The following SETD5 variants were observed in gnomAD, a reference collection of about 807,000 sequenced individuals.
The protein encoded by SETD5 is SET domain containing 5.
A neutral mutation model predicts 153.3 loss-of-function variants in SETD5; 44 were observed. The ratio of observed to expected loss-of-function variants is 0.29; its 90% confidence interval spans 0.23 to 0.37. The LOEUF is 0.37. Ranked by LOEUF, SETD5 falls within the 10% of genes least tolerant of loss-of-function variation. SETD5 has a pLI of 1.00. For missense variants in SETD5, 1,544 were observed against 1,768.0 expected (o/e 0.87, Z 2.27); for synonymous variants, 716 against 645.2 (o/e 1.11, Z -1.66).
At chr3:9,405,568 C>T (rs899399283) in intron 1 of SETD5, among the ~76,000 whole-genome samples, 7 of 152,038 alleles carry the variant, frequency 4.6e-5, no homozygotes, top group Non-Finnish European at 8.8e-5. Flanking sequence ...GAGATTTTCG[C>T]CACCCCACTC....
chr3:9,422,035 A>AG (rs1362709909), intron 1 of SETD5, among the ~76,000 whole-genome samples: 2 of 152,190 alleles, frequency 1.3e-5, no homozygotes, highest in Admixed American at 1.3e-4. Context: ...TTATTTAGTG[A>AG]GAAAAAAATA....
chr3:9,441,545 T>C (rs745879676), intron 8 of SETD5, 48 bp from the exon 9 acceptor site: 2 of 1,576,884 alleles, frequency 1.3e-6, no homozygotes, highest in Non-Finnish European at 8.7e-7. Flanking sequence ...GAGTGTCTAC[T>C]AAGGTGTTCT....
intron 2 of SETD5, among the ~76,000 whole-genome samples, chr3:9,427,307 G>T (rs2039399669): frequency 6.6e-6 from 1 of 152,218 alleles, no homozygotes. Flanking sequence ...CTAGCACTTT[G>T]AGAGGCTGAG....
At chr3:9,404,095 A>G (rs911485576) in intron 1 of SETD5, among the ~76,000 whole-genome samples, 2 of 152,304 alleles carry the variant, frequency 1.3e-5, no homozygotes, top group African/African-American at 2.4e-5. Context: ...CCAAGAGCAC[A>G]TTTGTTGCTT....
At chr3:9,474,995 A>C in intron 21 of SETD5, 73 bp from the exon 22 acceptor site, 1 of 1,367,278 alleles carries the variant, frequency 7.3e-7, no homozygotes, top group Non-Finnish European at 1.0e-6. Context: ...CTGGTGATTT[A>C]AATGAAAAAT....
chr3:9,431,422 G>A (rs2039950144), intron 3 of SETD5: 44 of 971,004 alleles, frequency 4.5e-5, no homozygotes, highest in Non-Finnish European at 5.4e-5. Context: ...CTAAAGAGAT[G>A]TAATTCCATT....
rs554398697 is a variant in SETD5, at chr3:9,416,895, G to T, written c.-176-7572G>T. 1.2e-3 allele frequency among the ~76,000 whole-genome samples: 187 copies of T among 151,542 alleles called. 1 individual carries two copies. The highest frequency in any genetic ancestry group is 7.5e-4 in the Non-Finnish European group (51 of 67,894). On this transcript the variant is annotated intron_variant, in intron 1 of 22. Coordinates refer to ENST00000402198, the MANE Select transcript of SETD5 (RefSeq NM_001080517.3). ...ATTAAAGCTGGGTAGGGAACATTGG[G>T]TTTTCTCTGGTTTTATATTTATTTG...
At chr3:9,401,946 CT>C (rs2034847586) in intron 1 of SETD5, among the ~76,000 whole-genome samples, 1 of 152,164 alleles carries the variant, frequency 6.6e-6, no homozygotes, top group African/African-American at 2.4e-5. Context: ...TTAAAGTATT[CT>C]TTCAAAGGCA....
At chr3:9,425,422 T>C (rs2039034785) in intron 2 of SETD5, among the ~76,000 whole-genome samples, 1 of 152,194 alleles carries the variant, frequency 6.6e-6, no homozygotes, top group Non-Finnish European at 1.5e-5. Flanking sequence ...GGTGTTTCAT[T>C]AGTGAATGTA....
intron 18 of SETD5, among the ~76,000 whole-genome samples, chr3:9,467,222 AAAC>A (rs1298301060): frequency 1.9e-4 from 27 of 139,300 alleles, no homozygotes; most frequent in African/African-American, 2.8e-4. Flanking sequence ...AAAAAAAAAA[AAAC>A]AACCTTACTA....
At chr3:9,405,228 CATT>C (rs2035467117) in intron 1 of SETD5, among the ~76,000 whole-genome samples, 1 of 152,174 alleles carries the variant, frequency 6.6e-6, no homozygotes, top group South Asian at 2.1e-4. Flanking sequence ...CGTTCACAGT[CATT>C]ATTACCACCA....
chr3:9,406,334 T>C (rs1243430111), intron 1 of SETD5, among the ~76,000 whole-genome samples: 3 of 152,238 alleles, frequency 2.0e-5, no homozygotes, highest in Admixed American at 6.5e-5. Context: ...CATTAGAATG[T>C]TGTATGAAAG....
rs2279440 is a variant in SETD5, at chr3:9,476,827, C to T, written c.*736C>T. The T allele has an allele frequency of 0.15, 23,419 of 152,534 alleles. 1,913 individuals carry two copies. Among genetic ancestry groups the T allele is most frequent in the Admixed American group, 0.21 (3,210 of 15,278 alleles). The allele number at this position is 152,534 out of a possible 1,614,324, so 9.4% of individuals were successfully genotyped here. On this transcript the variant is annotated 3_prime_UTR_variant, in exon 23 of 23. Coordinates refer to ENST00000402198, the MANE Select transcript of SETD5 (RefSeq NM_001080517.3). ...ACTGTTACCATCCTACTCCCCCTTC[C>T]CAAGCTATTTCACAGCTCAGTAACC...
At chr3:9,452,477 A>G (rs1235378094) in intron 16 of SETD5, among the ~76,000 whole-genome samples, 1 of 151,772 alleles carries the variant, frequency 6.6e-6, no homozygotes, top group Non-Finnish European at 1.5e-5. Context: ...CGGATTTTTT[A>G]TTTTGTTTTT....
At chr3:9,474,712 C>G (rs1489979107) in intron 21 of SETD5, 130 bp downstream of exon 21, 5 of 1,282,090 alleles carry the variant, frequency 3.9e-6, no homozygotes, top group Non-Finnish European at 4.3e-6. Flanking sequence ...ATGCTAGGTT[C>G]CAGCCCACTT....
At chr3:9,439,879 G>A (rs1019034231) in intron 7 of SETD5, among the ~76,000 whole-genome samples, 1 of 152,144 alleles carries the variant, frequency 6.6e-6, no homozygotes, top group Non-Finnish European at 1.5e-5. Context: ...CTTTTTATAT[G>A]GGTAGTAAGA....
At chr3:9,447,589 C>T in intron 14 of SETD5, 97 bp from the exon 15 acceptor site, 2 of 1,317,036 alleles carry the variant, frequency 1.5e-6, no homozygotes, top group Non-Finnish European at 2.1e-6. Context: ...TTATATTTTT[C>T]ATCAGTAGAC....
At chr3:9,422,693 A>G (rs1036580979) in intron 1 of SETD5, among the ~76,000 whole-genome samples, 2 of 152,220 alleles carry the variant, frequency 1.3e-5, no homozygotes, top group Non-Finnish European at 2.9e-5. Flanking sequence ...GTATCTTAAT[A>G]TATACTGTGT....
At chr3:9,421,738 T>A (rs895101270) in intron 1 of SETD5, among the ~76,000 whole-genome samples, 1 of 152,220 alleles carries the variant, frequency 6.6e-6, no homozygotes, top group Non-Finnish European at 1.5e-5. Flanking sequence ...TTTTGAAATA[T>A]TCCCAAAAAG....
Sources: allele counts gnomAD v4.1 joint callset (sites outside exome capture counted in the v4.1 genomes callset), GRCh38; gene constraint gnomAD v4.1.1; transcripts MANE v1.5; gene names NCBI Gene and HGNC (gene_info 2026-07-23, HGNC 2026-07-21).